Variants in COG3 observed in about 807,000 individuals in gnomAD.
COG3 encodes conserved oligomeric Golgi complex subunit 3.
COG3 carries 32 observed loss-of-function variants against 114.1 expected under a neutral mutation model. That is an observed-to-expected ratio of 0.28 (90% confidence interval 0.21 to 0.38). The LOEUF is 0.38. Among genes scored for constraint, COG3 ranks in the 10% least tolerant of loss-of-function variants. COG3 has a pLI of 1.00. For missense variants in COG3, 813 were observed against 973.2 expected, an observed-to-expected ratio of 0.84 and a Z score of 2.19; for synonymous variants, 352 against 365.7, an observed-to-expected ratio of 0.96 and a Z score of 0.43.
intron 8 of COG3, among the ~76,000 whole-genome samples, chr13:45,486,983 G>A (rs1486810598): frequency 6.6e-6 from 1 of 152,158 alleles, no homozygotes; most frequent in Non-Finnish European, 1.5e-5. Flanking sequence ...GTTACATGTC[G>A]TGCTAATTTA....
chr13:45,505,388 G>A (rs1298350720), intron 14 of COG3, among the ~76,000 whole-genome samples: 6 of 148,658 alleles, frequency 4.0e-5, no homozygotes, highest in Non-Finnish European at 8.9e-5. Flanking sequence ...TGCAACCTCC[G>A]CCTCCCGGGT....
In COG3 at chr13:45,527,220, A is replaced by T. The variant is rs76987613; in HGVS notation, c.2230+2169A>T. ...TAGATGTATTGTGCTCTTAAGCATTACTAGAATTTAGAATTGTCATAGTAA... is the reference window on the plus strand; with the variant it reads ...TAGATGTATTGTGCTCTTAAGCATTTCTAGAATTTAGAATTGTCATAGTAA... On this transcript the variant is annotated intron_variant, in intron 20 of 22. Transcript: ENST00000349995. 2.1e-3 allele frequency among the ~76,000 whole-genome samples: 319 copies of T among 152,326 alleles called. 8 individuals are homozygous for T. In the East Asian group the frequency reaches 0.056, roughly 27 times the overall value.
Position 45,480,220 on chromosome 13 carries a change from A to G in COG3, c.479A>G (p.Lys160Arg), listed in dbSNP as rs1353907663. 1.2e-6 allele frequency: 2 copies of G among 1,613,850 alleles called. No homozygotes were observed. Among genetic ancestry groups the G allele is most frequent in the African/African-American group, 2.7e-5 (2 of 74,932 alleles). ...CTTCAGCATCTGGAGTCTTTGCAGA[A>G]ACAGTATCTTTTTGTGTCCAATAAG... Reference protein sequence around the residue: ...SALQHLESLQKQYLFVSNKTG... With the variant: ...SALQHLESLQRQYLFVSNKTG... The change falls in exon 4 of 23, where the codon AAA becomes AGA. Residue 160 changes from lysine (K) to arginine (R), a missense_variant. This residue lies in a region of COG3 where 424 missense variants were observed against 430.6 expected (regional missense o/e 0.98). Transcript: ENST00000349995.
At chr13:45,518,925 TA>T (rs761564102) in intron 18 of COG3, 34 bp from the exon 19 acceptor site, 1 of 1,613,672 alleles carries the variant, frequency 6.2e-7, no homozygotes, top group South Asian at 1.1e-5. Flanking sequence ...TCTAGGCACA[TA>T]AAAACAGGAG....
At chr13:45,533,747 G>T (rs1873364722) in intron 22 of COG3, among the ~76,000 whole-genome samples, 1 of 152,142 alleles carries the variant, frequency 6.6e-6, no homozygotes, top group South Asian at 2.1e-4. Context: ...TTTTAACCTG[G>T]AGCAGTTAGA....
intron 16 of COG3, among the ~76,000 whole-genome samples, chr13:45,514,977 A>G (rs1006932334): frequency 6.6e-6 from 1 of 152,202 alleles, no homozygotes; most frequent in Admixed American, 6.5e-5. Flanking sequence ...TTAAAAAGTG[A>G]TCAGTGAAAA....
chr13:45,495,311 A>G (rs1038058057), intron 12 of COG3, among the ~76,000 whole-genome samples: 4 of 151,930 alleles, frequency 2.6e-5, no homozygotes, highest in Admixed American at 2.6e-4. Flanking sequence ...TGTTATCTTT[A>G]ACCCCCTGTC....
intron 8 of COG3, among the ~76,000 whole-genome samples, chr13:45,488,620 G>A (rs1886818217): frequency 6.6e-6 from 1 of 151,996 alleles, no homozygotes; most frequent in Admixed American, 6.6e-5. Context: ...GGTGAGATTA[G>A]GGGGTGAATT....
In COG3 at chr13:45,486,344, G is replaced by C. The variant is rs576658138; in HGVS notation, c.844-151G>C. On this transcript the variant is annotated intron_variant, in intron 7 of 22. Transcript: ENST00000349995. ...GGGAGACGGGAGACGGGAGACGGGA[G>C]AGGGAGAGGGAGAGGGAGAGGGAGA... is the stretch of plus-strand genomic sequence containing the variant. 1.8e-5 allele frequency: 10 copies of C among 567,464 alleles called. No individual in the cohort carries two copies. The East Asian group carries it at 2.9e-4, about 17-fold the overall frequency. 35.2% of individuals were successfully genotyped at this position (567,464 alleles called of 1,614,324 possible).
chr13:45,487,015 A>C (rs184993748), intron 8 of COG3, among the ~76,000 whole-genome samples: 1 of 152,348 alleles, frequency 6.6e-6, no homozygotes, highest in Admixed American at 6.5e-5. Context: ...GAACCAATGA[A>C]GTGGTATCTT....
chr13:45,486,593 A>G lies in COG3; in HGVS notation c.924+18A>G, dbSNP rs1886685158. ...AAGTCAGAGTAAGTCTATTGACATA[A>G]CTAGGACATTGCTATGAAATTTGTT... On this transcript the variant is annotated intron_variant, in intron 8 of 22. Coordinates refer to ENST00000349995, the MANE Select transcript of COG3 (RefSeq NM_031431.4). The G allele has an allele frequency of 6.9e-7, 1 of 1,446,638 alleles. No individual in the cohort carries two copies. The highest frequency in any genetic ancestry group is 9.7e-7 in the Non-Finnish European group (1 of 1,027,884). 89.6% of individuals were successfully genotyped at this position (1,446,638 alleles called of 1,614,324 possible). A position where few individuals can be genotyped will look rare whatever the true frequency, so the allele number is the denominator to read the frequency against.
chr13:45,466,992 A>G (rs966472983), intron 1 of COG3, among the ~76,000 whole-genome samples: 1 of 152,220 alleles, frequency 6.6e-6, no homozygotes, highest in African/African-American at 2.4e-5. Context: ...ATGGAAAAAA[A>G]GAACAAAGAA....
chr13:45,502,001 A>G (rs1869590736), intron 13 of COG3, among the ~76,000 whole-genome samples: 1 of 152,206 alleles, frequency 6.6e-6, no homozygotes, highest in South Asian at 2.1e-4. Context: ...TCAACCTTGC[A>G]GGGATCAGAT....
Position 45,476,448 on chromosome 13 carries a change from A to G in COG3, c.321+101A>G, listed in dbSNP as rs1056903586. 2.6e-6 allele frequency: 3 copies of G among 1,173,426 alleles called. No homozygotes were observed. The Admixed American group carries it at 6.4e-5, about 25-fold the overall frequency. 72.7% of individuals were successfully genotyped at this position (1,173,426 alleles called of 1,614,324 possible). A position where few individuals can be genotyped will look rare whatever the true frequency, so the allele number is the denominator to read the frequency against. On this transcript the variant is annotated intron_variant, in intron 2 of 22. Coordinates refer to ENST00000349995, the MANE Select transcript of COG3 (RefSeq NM_031431.4). ...AAAAGTTCTGAACATTTGTCACCAT[A>G]ATTAACATTAAGTCTTTCTAGAACA...
At chr13:45,493,816 T>C (rs1868397288) in intron 12 of COG3, 2 of 163,618 alleles carry the variant, frequency 1.2e-5, no homozygotes, top group Non-Finnish European at 2.6e-5. Flanking sequence ...ACAAAATACA[T>C]AAATAAATAA....
chr13:45,511,833 A>C lies in COG3; in HGVS notation c.1788A>C (p.Ser596=). The C allele has an allele frequency of 6.2e-7, 1 of 1,613,808 alleles. No homozygotes were observed. Among genetic ancestry groups the C allele is most frequent in the South Asian group, 1.1e-5 (1 of 91,078 alleles). ...SACIQSLLGA[S]ESISKNKTQI... ...GCATTCAGTCCTTACTTGGAGCGTC[A>C]GAGTCTATCAGCAAAAACAAGGTTT... is the stretch of plus-strand genomic sequence containing the variant. Residue 596 remains serine (S), a synonymous_variant, in exon 16 of 23, where the codon TCA becomes TCC. Coordinates refer to ENST00000349995, the MANE Select transcript of COG3 (RefSeq NM_031431.4).
intron 15 of COG3, among the ~76,000 whole-genome samples, chr13:45,510,483 A>G (rs899689070): frequency 2.0e-5 from 3 of 152,198 alleles, no homozygotes; most frequent in Non-Finnish European, 4.4e-5. Flanking sequence ...CAGGGTGTCC[A>G]TTAGGTTTAT....
At chr13:45,509,326 CTG>C (rs1870599494) in intron 14 of COG3, among the ~76,000 whole-genome samples, 1 of 152,238 alleles carries the variant, frequency 6.6e-6, no homozygotes, top group Non-Finnish European at 1.5e-5. Context: ...GCGTGAGCCA[CTG>C]TGCCCAGACG....
chr13:45,530,941 A>G (rs978638588), intron 22 of COG3, 161 bp downstream of exon 22: 1 of 983,618 alleles, frequency 1.0e-6, no homozygotes, highest in Non-Finnish European at 1.2e-6. Context: ...TTGTTCTCTC[A>G]AACTTTTGGG....
Sources: gnomAD v4.1 joint callset for allele counts (sites outside exome capture counted in the v4.1 genomes callset) on GRCh38, gnomAD v4.1.1 for gene constraint, gnomAD v4.1.1 regional missense constraint, MANE v1.5 for transcripts, NCBI Gene and HGNC (gene_info 2026-07-23, HGNC 2026-07-21) for gene names.